The following MAP3K7 variants were observed in gnomAD, a reference collection of about 807,000 sequenced individuals.
MAP3K7 encodes the protein TGF-beta activated kinase 1.
MAP3K7 carries 21 observed loss-of-function variants against 84.8 expected under a neutral mutation model. The observed-to-expected ratio is 0.25, with a 90% confidence interval of 0.18 to 0.36. The LOEUF (loss-of-function observed/expected upper bound fraction) is 0.36, where lower values mean the gene tolerates loss of function less well. MAP3K7 is among the 10% of genes least tolerant of loss of function. The probability of loss-of-function intolerance (pLI) is 1.00; values close to 1 mark genes in which losing one functional copy is unlikely to be tolerated. For missense variants in MAP3K7, 503 were observed against 747.7 expected, an observed-to-expected ratio of 0.67 and a Z score of 3.82; for synonymous variants, 241 against 247.7, an observed-to-expected ratio of 0.97 and a Z score of 0.25.
chr6:90,581,602 A>G (rs1777273223), intron 1 of MAP3K7, among the ~76,000 whole-genome samples: 1 of 152,078 alleles, frequency 6.6e-6, no homozygotes, highest in South Asian at 2.1e-4. Flanking sequence ...CATCTCACCC[A>G]TTTTCTAGGC....
At position 90,555,317 on chromosome 6, in the gene MAP3K7, A is replaced by G. The variant is rs35133741; in HGVS notation, c.607+1183T>C. On this transcript the variant is annotated intron_variant, in intron 6 of 16. Transcript: ENST00000369329. Reference sequence around the variant, plus strand: ...GTCACCCAGGCTGGAGTGCAGTGGCACGATCTCGGCTCACTGCATGCTCCG... The same window carrying G: ...GTCACCCAGGCTGGAGTGCAGTGGCGCGATCTCGGCTCACTGCATGCTCCG... Among the ~76,000 whole-genome samples the G allele has an allele frequency of 4.7e-3, 708 of 151,670 alleles. 7 individuals carry two copies. Among genetic ancestry groups the G allele is most frequent in the African/African-American group, 0.016 (669 of 41,278 alleles).
intron 2 of MAP3K7, among the ~76,000 whole-genome samples, chr6:90,570,080 T>G (rs1776850559): frequency 6.6e-6 from 1 of 152,182 alleles, no homozygotes; most frequent in Non-Finnish European, 1.5e-5. Context: ...CTTGCTAAGG[T>G]TCAGCACTGA....
rs200898979 is a variant in MAP3K7, at chr6:90,523,803, G to A, written c.1357-20C>T. ...GCTCACCTACAGGAAGAAGTCACAG[G>A]AGAAACAAAATGTGATTTTTTGATT... On this transcript the variant is annotated intron_variant, in intron 13 of 16. Coordinates refer to ENST00000369329, the MANE Select transcript of MAP3K7 (RefSeq NM_145331.3). 21 of 1,365,920 alleles carry A rather than the reference G, an allele frequency of 1.5e-5. No individual in the cohort carries two copies. The highest frequency in any genetic ancestry group is 2.2e-5 in the Non-Finnish European group (21 of 955,298). 84.6% of individuals were successfully genotyped at this position (1,365,920 alleles called of 1,614,324 possible).
intron 14 of MAP3K7, among the ~76,000 whole-genome samples, chr6:90,522,407 C>A (rs806280): frequency 6.6e-6 from 1 of 151,896 alleles, no homozygotes; most frequent in Admixed American, 6.6e-5. Flanking sequence ...GTACCAGACC[C>A]GGGCAAATGC....
chr6:90,576,445 ACACAC>A (rs1562110936), intron 1 of MAP3K7, among the ~76,000 whole-genome samples: 10 of 151,208 alleles, frequency 6.6e-5, no homozygotes, highest in Non-Finnish European at 1.3e-4. Context: ...ACACACACAC[ACACAC>A]ACACACACAC....
intron 5 of MAP3K7, among the ~76,000 whole-genome samples, chr6:90,557,398 A>C (rs1401430548): frequency 6.6e-6 from 1 of 152,146 alleles, no homozygotes; most frequent in Non-Finnish European, 1.5e-5. Flanking sequence ...AGTTTTATAA[A>C]CTTTTTACAT....
chr6:90,539,679 A>T (rs1041124088), intron 12 of MAP3K7, among the ~76,000 whole-genome samples: 3 of 151,886 alleles, frequency 2.0e-5, no homozygotes, highest in African/African-American at 7.2e-5. Flanking sequence ...TGATATTTTC[A>T]TCCTGGTGGA....
At position 90,544,651 on chromosome 6, in the gene MAP3K7, A is replaced by G; in HGVS notation, c.1211-19T>C. On this transcript the variant is annotated intron_variant, in intron 11 of 16. Transcript: ENST00000369329. Reference sequence around the variant, plus strand: ...GAATAGGCTGCAAAAACACATATATACAGTATACATGCAAACAACCACAAA... The same window carrying G: ...GAATAGGCTGCAAAAACACATATATGCAGTATACATGCAAACAACCACAAA... 1 of 1,603,436 alleles carries G rather than the reference A, an allele frequency of 6.2e-7. No homozygotes were observed. Among genetic ancestry groups the G allele is most frequent in the Non-Finnish European group, 8.5e-7 (1 of 1,170,756 alleles).
At chr6:90,572,045 C>A (rs1776923562) in intron 1 of MAP3K7, among the ~76,000 whole-genome samples, 1 of 151,410 alleles carries the variant, frequency 6.6e-6, no homozygotes. Context: ...ATCTGTACAC[C>A]CTTTCATTCT....
chr6:90,551,911 T>C, intron 8 of MAP3K7, 138 bp downstream of exon 8: 1 of 902,618 alleles, frequency 1.1e-6, no homozygotes, highest in Non-Finnish European at 1.6e-6. Context: ...CTATGAGTAA[T>C]AAATGCCCAT....
At chr6:90,554,659 C>A (rs1309827698) in intron 6 of MAP3K7, among the ~76,000 whole-genome samples, 1 of 152,054 alleles carries the variant, frequency 6.6e-6, no homozygotes, top group Non-Finnish European at 1.5e-5. Flanking sequence ...TTGCTCTAGA[C>A]AATTAAGGGT....
chr6:90,519,973 A>AT (rs1775094754), intron 14 of MAP3K7, among the ~76,000 whole-genome samples: 1 of 152,070 alleles, frequency 6.6e-6, no homozygotes, highest in Non-Finnish European at 1.5e-5. Flanking sequence ...AAGTTGATTA[A>AT]TTCAAACAAT....
At chr6:90,543,260 CTT>C (rs1775908391) in intron 12 of MAP3K7, among the ~76,000 whole-genome samples, 1 of 152,022 alleles carries the variant, frequency 6.6e-6, no homozygotes, top group Non-Finnish European at 1.5e-5. Flanking sequence ...TAACTCTACT[CTT>C]TGAATAGCAA....
chr6:90,583,072 G>A (rs1241499906), intron 1 of MAP3K7, among the ~76,000 whole-genome samples: 2 of 151,988 alleles, frequency 1.3e-5, no homozygotes, highest in Non-Finnish European at 2.9e-5. Flanking sequence ...CAGTAGTGAC[G>A]GGGTTTCTCC....
At chr6:90,539,733 T>C (rs1051061012) in intron 12 of MAP3K7, among the ~76,000 whole-genome samples, 14 of 151,870 alleles carry the variant, frequency 9.2e-5, no homozygotes, top group African/African-American at 3.4e-4. Context: ...GCATCTCTGC[T>C]TCCAGTTGTT....
At position 90,516,454 on chromosome 6, in the gene MAP3K7, A is replaced by G. The variant is rs1258783974; in HGVS notation, c.*47T>C. Reference sequence around the variant, plus strand: ...ATTATAAGGTTTTCCTTTCCTTAAAAAAAAAGTCTTTCTTTGCATATTTCA... The same window carrying G: ...ATTATAAGGTTTTCCTTTCCTTAAAGAAAAAGTCTTTCTTTGCATATTTCA... On this transcript the variant is annotated 3_prime_UTR_variant, in exon 17 of 17. Coordinates refer to ENST00000369329, the MANE Select transcript of MAP3K7 (RefSeq NM_145331.3). 3.2e-6 allele frequency: 5 copies of G among 1,581,776 alleles called. No homozygotes were observed. Among genetic ancestry groups the G allele is most frequent in the South Asian group, 2.3e-5 (2 of 85,172 alleles).
At chr6:90,543,138 C>T (rs1347572276) in intron 12 of MAP3K7, among the ~76,000 whole-genome samples, 3 of 152,076 alleles carry the variant, frequency 2.0e-5, no homozygotes, top group African/African-American at 7.2e-5. Flanking sequence ...GTCCCTTATA[C>T]ACAGTACCTT....
chr6:90,573,999 C>T (rs1562109273), intron 1 of MAP3K7, among the ~76,000 whole-genome samples: 1 of 152,148 alleles, frequency 6.6e-6, no homozygotes, highest in Non-Finnish European at 1.5e-5. Context: ...CTACCTGGTA[C>T]CATTAGAATA....
chr6:90,535,038 A>G (rs1297727993), intron 13 of MAP3K7, among the ~76,000 whole-genome samples: 1 of 152,166 alleles, frequency 6.6e-6, no homozygotes, highest in Non-Finnish European at 1.5e-5. Context: ...CTATCACTAA[A>G]TAATGAAATC....
Sources: gnomAD v4.1 joint callset for allele counts (sites outside exome capture counted in the v4.1 genomes callset) on GRCh38, gnomAD v4.1.1 for gene constraint, MANE v1.5 for transcripts, NCBI Gene and HGNC (gene_info 2026-07-23, HGNC 2026-07-21) for gene names.